Variants in RIC1 observed in about 807,000 individuals in gnomAD.
The protein encoded by RIC1 is guanine nucleotide exchange factor subunit RIC1.
RIC1 carries 88 observed loss-of-function variants against 169.0 expected under a neutral mutation model. The ratio of observed to expected loss-of-function variants is 0.52; its 90% CI spans 0.44 to 0.62. The LOEUF is 0.62. Among genes scored for constraint, RIC1 ranks in the 20% least tolerant of loss-of-function variants. The probability of loss-of-function intolerance (pLI) is 0.00; values close to 1 mark genes in which losing one functional copy is unlikely to be tolerated. For synonymous variants in RIC1, 790 were observed against 601.5 expected, an observed-to-expected ratio of 1.31 and a Z score of -4.59; for missense variants, 1,877 against 1,725.5, an observed-to-expected ratio of 1.09 and a Z score of -1.56.
chr9:5,647,392 C>T (rs1291698722), intron 1 of RIC1, among the ~76,000 whole-genome samples: 1 of 152,172 alleles, frequency 6.6e-6, no homozygotes, highest in Non-Finnish European at 1.5e-5. Context: ...ATGTAGATTG[C>T]TTTGGGTAGT....
intron 3 of RIC1, among the ~76,000 whole-genome samples, chr9:5,709,416 G>C (rs1586990959): frequency 6.6e-6 from 1 of 152,076 alleles, no homozygotes; most frequent in African/African-American, 2.4e-5. Context: ...TTGATTATCA[G>C]CTCCCTTACT....
Position 5,774,925 on chromosome 9 carries a change from G to GA in RIC1, c.*680dup, listed in dbSNP as rs1432496071. On this transcript the variant is annotated 3_prime_UTR_variant, in exon 26 of 26. Coordinates refer to ENST00000414202, the MANE Select transcript of RIC1 (RefSeq NM_020829.4). ...GGGGTTCTTCTCAATTTTGCTGTTA[G>GA]ATACCACTAAACTATTTTGTATTAA... is the stretch of plus-strand genomic sequence containing the variant. The GA allele has an allele frequency of 6.6e-6, 1 of 152,202 alleles. No individual in the cohort carries two copies. Among genetic ancestry groups the GA allele is most frequent in the Non-Finnish European group, 1.5e-5 (1 of 68,034 alleles). 9.4% of individuals were successfully genotyped at this position (152,202 alleles called of 1,614,324 possible). A position where few individuals can be genotyped will look rare whatever the true frequency, so the allele number is the denominator to read the frequency against.
intron 12 of RIC1, 120 bp from the exon 13 acceptor site, chr9:5,753,080 C>T (rs780513627): frequency 8.1e-5 from 64 of 794,994 alleles, no homozygotes; most frequent in Non-Finnish European, 1.3e-4. Context: ...TGCTCTGCTA[C>T]TAACTAGGGG....
intron 3 of RIC1, among the ~76,000 whole-genome samples, chr9:5,702,940 C>G (rs982181201): frequency 5.9e-5 from 9 of 152,272 alleles, no homozygotes; most frequent in Non-Finnish European, 1.0e-4. Context: ...CCAGTCACCT[C>G]CCACCAGGCC....
intron 2 of RIC1, among the ~76,000 whole-genome samples, chr9:5,673,559 A>ATATATATATATATAT (rs1554663256): frequency 9.7e-5 from 9 of 92,702 alleles, no homozygotes; most frequent in African/African-American, 4.7e-4. Flanking sequence ...TATATATATA[A>ATATATATATATATAT]ATAAATGTTG....
intron 7 of RIC1, among the ~76,000 whole-genome samples, chr9:5,732,743 CAG>C (rs1031600362): frequency 3.9e-5 from 6 of 152,110 alleles, no homozygotes; most frequent in African/African-American, 1.2e-4. Context: ...ACAAGTTAAA[CAG>C]AATAAATCAG....
intron 2 of RIC1, among the ~76,000 whole-genome samples, chr9:5,664,504 T>C: frequency 6.6e-6 from 1 of 152,208 alleles, no homozygotes; most frequent in East Asian, 1.9e-4. Context: ...GGGCCTCCCC[T>C]TCGTAGGTGA....
At chr9:5,770,530 G>T (rs923797192) in intron 23 of RIC1, among the ~76,000 whole-genome samples, 4 of 152,120 alleles carry the variant, frequency 2.6e-5, no homozygotes, top group Non-Finnish European at 4.4e-5. Flanking sequence ...AATCAATTTT[G>T]ATGATAAGGA....
At chr9:5,748,615 C>T (rs1825531774) in intron 12 of RIC1, 2 of 152,660 alleles carry the variant, frequency 1.3e-5, no homozygotes, top group South Asian at 4.1e-4. Flanking sequence ...TTTCCCCATA[C>T]TTTGAACTAT....
chr9:5,695,595 CAG>C (rs367623394), intron 3 of RIC1, among the ~76,000 whole-genome samples: 32 of 134,116 alleles, frequency 2.4e-4, no homozygotes, highest in Non-Finnish European at 4.0e-4. Flanking sequence ...TTTTTTGAGA[CAG>C]AGTCTCGCTC....
At chr9:5,668,463 G>C (rs1219050741) in intron 2 of RIC1, among the ~76,000 whole-genome samples, 1 of 152,060 alleles carries the variant, frequency 6.6e-6, no homozygotes, top group African/African-American at 2.4e-5. Context: ...TTTCATTAAG[G>C]CTCCTGACAT....
Position 5,757,465 on chromosome 9 carries a change from A to G in RIC1, c.1992+14A>G. 6.2e-7 allele frequency: 1 copy of G among 1,613,480 alleles called. No individual in the cohort carries two copies. Among genetic ancestry groups the G allele is most frequent in the Non-Finnish European group, 8.5e-7 (1 of 1,179,516 alleles). ...ATGCCACAGCAGGTACCACTCCATT[A>G]TCAAAGGTCTTTGGAGTTTACATTT... On this transcript the variant is annotated intron_variant, in intron 17 of 25. Transcript: ENST00000414202.
intron 2 of RIC1, among the ~76,000 whole-genome samples, chr9:5,686,253 T>C (rs1428316224): frequency 6.6e-6 from 1 of 151,794 alleles, no homozygotes; most frequent in Non-Finnish European, 1.5e-5. Context: ...GAAATACCAT[T>C]TGACCCAGCC....
Position 5,768,848 on chromosome 9 carries a change from A to T in RIC1, c.3138-122A>T. On this transcript the variant is annotated intron_variant, in intron 21 of 25. Transcript: ENST00000414202. ...GCGTTGATACTTTATCTTCATTGTC[A>T]ATCAGAATTAGATCTTGGATCTCTT... 3 of 1,061,490 alleles carry T rather than the reference A, an allele frequency of 2.8e-6. No individual in the cohort carries two copies. The South Asian group carries it at 4.9e-5, about 17-fold the overall frequency. 65.8% of individuals were successfully genotyped at this position (1,061,490 alleles called of 1,614,324 possible).
At chr9:5,681,909 G>A (rs1381632289) in intron 2 of RIC1, among the ~76,000 whole-genome samples, 1 of 152,176 alleles carries the variant, frequency 6.6e-6, no homozygotes, top group Non-Finnish European at 1.5e-5. Flanking sequence ...TTACCATTAT[G>A]TAATGGCCTT....
At chr9:5,739,648 A>C (rs1041446693) in intron 8 of RIC1, among the ~76,000 whole-genome samples, 6 of 152,136 alleles carry the variant, frequency 3.9e-5, no homozygotes, top group African/African-American at 1.4e-4. Flanking sequence ...GGAGGGCATC[A>C]CTGTTGCCTC....
intron 2 of RIC1, among the ~76,000 whole-genome samples, chr9:5,673,555 T>TATATATATATATATATATATATAA (rs1233980958): frequency 4.8e-5 from 7 of 144,392 alleles, no homozygotes; most frequent in Non-Finnish European, 9.0e-5. Context: ...TATATATATA[T>TATATATATATATATATATATATAA]ATAAATAAAT....
At chr9:5,765,819 T>C in intron 21 of RIC1, 21 bp downstream of exon 21, 8 of 1,613,008 alleles carry the variant, frequency 5.0e-6, no homozygotes, top group Non-Finnish European at 6.8e-6. Context: ...AAAGAGCCAT[T>C]ACTGCTTTTT....
At chr9:5,675,743 G>A (rs887883288) in intron 2 of RIC1, among the ~76,000 whole-genome samples, 1 of 152,108 alleles carries the variant, frequency 6.6e-6, no homozygotes, top group African/African-American at 2.4e-5. Flanking sequence ...TAACATGGAG[G>A]AATCATATGT....
Sources: gnomAD v4.1 joint callset for allele counts (sites outside exome capture counted in the v4.1 genomes callset) on GRCh38, gnomAD v4.1.1 for gene constraint, MANE v1.5 for transcripts, NCBI Gene and HGNC (gene_info 2026-07-23, HGNC 2026-07-21) for gene names.